The following NUMA1 variants were observed in gnomAD, a reference collection of about 807,000 sequenced individuals.
NUMA1 encodes the protein nuclear mitotic apparatus protein 1.
Under a neutral mutation model 237.1 loss-of-function variants are expected in NUMA1, and 62 were observed. That is an observed-to-expected ratio of 0.26 (90% CI 0.21 to 0.32). NUMA1 has a LOEUF of 0.32. Among genes scored for constraint, NUMA1 ranks in the 10% least tolerant of loss-of-function variants. The pLI is 1.00. For missense variants in NUMA1, 2,533 were observed against 2,666.5 expected, an observed-to-expected ratio of 0.95 and a Z score of 1.10; for synonymous variants, 1,028 against 1,066.1, an observed-to-expected ratio of 0.96 and a Z score of 0.70.
rs71052849 is a variant in NUMA1, at chr11:72,073,048, C to CAAAAAAAAAAAAA, written c.-102-3150_-102-3138dup. Among the ~76,000 whole-genome samples, 372 of 38,960 alleles carry CAAAAAAAAAAAAA rather than the reference C, an allele frequency of 9.5e-3. 88 individuals are homozygous for CAAAAAAAAAAAAA. Among genetic ancestry groups the CAAAAAAAAAAAAA allele is most frequent in the African/African-American group, 0.038 (339 of 8,972 alleles). 25.6% of individuals were successfully genotyped at this position (38,960 alleles called of 152,430 possible). A position where few individuals can be genotyped will look rare whatever the true frequency, so the allele number is the denominator to read the frequency against. On this transcript the variant is annotated intron_variant, in intron 1 of 26. Coordinates refer to ENST00000393695, the MANE Select transcript of NUMA1 (RefSeq NM_006185.4). ...GGTGACACAGAGCGAGACTCCGTCT[C>CAAAAAAAAAAAAA]AAAAAAAAAAAAAAAAAAAAGCTGC...
At chr11:72,042,489 C>T (rs558507192) in intron 2 of NUMA1, among the ~76,000 whole-genome samples, 1 of 152,224 alleles carries the variant, frequency 6.6e-6, no homozygotes, top group African/African-American at 2.4e-5. Context: ...AAATGAAGTG[C>T]CATTTTAATT....
At chr11:72,062,243 G>A (rs585228) in intron 2 of NUMA1, among the ~76,000 whole-genome samples, 2 of 152,002 alleles carry the variant, frequency 1.3e-5, no homozygotes, top group African/African-American at 4.8e-5. Context: ...TACTTCAAAA[G>A]GTCATTTTAA....
chr11:72,017,928 C>T, intron 12 of NUMA1, 101 bp from the exon 13 acceptor site: 2 of 1,382,256 alleles, frequency 1.4e-6, no homozygotes, highest in Non-Finnish European at 2.0e-6. Flanking sequence ...CTCCAATTAT[C>T]CTGCCAACCC....
intron 3 of NUMA1, among the ~76,000 whole-genome samples, chr11:72,034,007 TGGG>T (rs1168189600): frequency 1.3e-5 from 2 of 152,130 alleles, no homozygotes; most frequent in African/African-American, 2.4e-5. Context: ...CCTAGCTACT[TGGG>T]GGGCTGAGGT....
rs907803858 is a variant in NUMA1, at chr11:72,037,423, G to A, written c.-32-1448C>T. 2.0e-5 allele frequency among the ~76,000 whole-genome samples: 3 copies of A among 152,154 alleles called. No individual in the cohort carries two copies. In the East Asian group the frequency reaches 5.8e-4, roughly 29 times the overall value. Reference sequence around the variant, plus strand: ...CGGGAGGCTGAGGCAGGAGAATGGCGTGAACCCGGGAGGCGGAGCTTGCAG... The same window carrying A: ...CGGGAGGCTGAGGCAGGAGAATGGCATGAACCCGGGAGGCGGAGCTTGCAG... On this transcript the variant is annotated intron_variant, in intron 2 of 26. Coordinates refer to ENST00000393695, the MANE Select transcript of NUMA1 (RefSeq NM_006185.4).
At position 72,009,322 on chromosome 11, in the gene NUMA1, T is replaced by G. The variant is rs560716430; in HGVS notation, c.4785A>C (p.Glu1595Asp). The change falls in exon 18 of 27, where the codon GAA becomes GAC. Residue 1595 changes from glutamate to aspartate, a missense_variant. Around this residue, in one of 3 missense-constraint regions of NUMA1, gnomAD observed 795 missense variants for 750.8 expected, o/e 1.06. Transcript: ENST00000393695. ...EAQRLQAQLNELQAQLSQKEQ... is the reference protein window; with the variant it reads ...EAQRLQAQLNDLQAQLSQKEQ... ...CCTTCTGGCTCAACTGGGCTTGCAGTTCATTCAGCTGGGCCTGGAGGCGCT... is the reference window on the plus strand; with the variant it reads ...CCTTCTGGCTCAACTGGGCTTGCAGGTCATTCAGCTGGGCCTGGAGGCGCT... 2.0e-5 allele frequency: 32 copies of G among 1,613,534 alleles called. No homozygotes were observed. In the South Asian group the frequency reaches 2.9e-4, roughly 14 times the overall value.
In NUMA1 at chr11:72,078,789, AACAT is replaced by A. The variant is rs989465340; in HGVS notation, c.-103+1665_-103+1668del. Among the ~76,000 whole-genome samples the A allele has an allele frequency of 1.1e-4, 17 of 152,228 alleles. 3 individuals are homozygous for A. Among genetic ancestry groups the A allele is most frequent in the Admixed American group, 1.0e-3 (16 of 15,280 alleles). On this transcript the variant is annotated intron_variant, in intron 1 of 26. Coordinates refer to ENST00000393695, the MANE Select transcript of NUMA1 (RefSeq NM_006185.4). Reference sequence around the variant, plus strand: ...ACCACACAGAAAGAGGGACTGAGGAAACATAAACCCATCTGTGCTGACAGAAAGC... The same window carrying A: ...ACCACACAGAAAGAGGGACTGAGGAAAAACCCATCTGTGCTGACAGAAAGC...
At chr11:72,012,521 A>C (rs1407575254) in intron 15 of NUMA1, 79 bp from the exon 16 acceptor site, 1 of 1,357,104 alleles carries the variant, frequency 7.4e-7, no homozygotes, top group African/African-American at 1.4e-5. Context: ...GGCTGACCTC[A>C]CTGAGGCTCT....
chr11:72,010,548 C>T (rs887289407), intron 17 of NUMA1, among the ~76,000 whole-genome samples: 1 of 152,222 alleles, frequency 6.6e-6, no homozygotes, highest in Admixed American at 6.5e-5. Flanking sequence ...AATAACCACA[C>T]GTGACTAGTA....
At chr11:72,066,768 T>C (rs1006612821) in intron 2 of NUMA1, 1 of 152,274 alleles carries the variant, frequency 6.6e-6, no homozygotes, top group Non-Finnish European at 1.5e-5. Flanking sequence ...GCTGTAATAC[T>C]TGTTTCATTT....
intron 3 of NUMA1, among the ~76,000 whole-genome samples, chr11:72,033,124 T>G (rs1430303792): frequency 1.3e-5 from 2 of 152,164 alleles, no homozygotes; most frequent in Non-Finnish European, 2.9e-5. Flanking sequence ...ACAACTTTTG[T>G]TTAAATTGAA....
At chr11:72,004,961 T>G in intron 23 of NUMA1, 145 bp from the exon 24 acceptor site, 1 of 871,976 alleles carries the variant, frequency 1.1e-6, no homozygotes. Context: ...CAAGGCCTCC[T>G]TTCCTGTTCT....
rs34335618 is a variant in NUMA1 at position 72,016,175 on chromosome 11, C to T, written c.1328G>A (p.Arg443Gln). 1.4e-3 allele frequency: 2,227 copies of T among 1,613,740 alleles called. 30 individuals carry two copies. The African/African-American group carries it at 0.026, about 19-fold the overall frequency. The change falls in exon 15 of 27, where the codon CGA becomes CAA. Residue 443 changes from arginine to glutamine, a missense_variant. Physicochemically the swap from Arg to Gln is conservative, Grantham distance 43 (BLOSUM62 1). Around this residue, in one of 3 missense-constraint regions of NUMA1, gnomAD observed 1,414 missense variants for 1,508.1 expected, o/e 0.94. Coordinates refer to ENST00000393695, the MANE Select transcript of NUMA1 (RefSeq NM_006185.4). ...QARVEMLETE[R>Q]GQQEAKLLAE... Reference sequence around the variant, plus strand: ...AAGCAGCTTGGCTTCCTGCTGGCCTCGCTCAGTCTCCAGCATCTCTACCCT... The same window carrying T: ...AAGCAGCTTGGCTTCCTGCTGGCCTTGCTCAGTCTCCAGCATCTCTACCCT...
chr11:72,076,348 T>C (rs1283438722), intron 1 of NUMA1, among the ~76,000 whole-genome samples: 6 of 151,978 alleles, frequency 3.9e-5, no homozygotes, highest in Non-Finnish European at 8.8e-5. Flanking sequence ...CACTCCAACC[T>C]GGGCAACAAA....
chr11:72,031,902 G>A (rs1481992009), intron 3 of NUMA1, among the ~76,000 whole-genome samples: 1 of 151,830 alleles, frequency 6.6e-6, no homozygotes, highest in East Asian at 1.9e-4. Context: ...GGACGAGGAG[G>A]GAGAATCGCT....
In NUMA1 at chr11:72,006,058, C is replaced by G. The variant is rs761971500; in HGVS notation, c.5669G>C (p.Gly1890Ala). The change falls in exon 22 of 27, where the codon GGG becomes GCG. Residue 1890 changes from glycine to alanine, a missense_variant. By Grantham distance (60) the Gly-to-Ala change is moderately conservative. Around this residue, in one of 3 missense-constraint regions of NUMA1, gnomAD observed 795 missense variants for 750.8 expected, o/e 1.06. Coordinates refer to ENST00000393695, the MANE Select transcript of NUMA1 (RefSeq NM_006185.4). ...ACCTGGAGGGGCCCCACTGGACACC[C>G]CGGCCTGGGAACGACGAGCAGAACT... ...TRSSARRSQA[G>A]VSSGAPPGRN... 6.2e-7 allele frequency: 1 copy of G among 1,613,234 alleles called. No homozygotes were observed. The highest frequency in any genetic ancestry group is 2.2e-5 in the East Asian group (1 of 44,858).
intron 1 of NUMA1, among the ~76,000 whole-genome samples, chr11:72,078,201 G>C (rs1290249356): frequency 2.6e-5 from 4 of 152,154 alleles, no homozygotes; most frequent in Non-Finnish European, 4.4e-5. Context: ...AATTAGAATT[G>C]TTCAGCTTAG....
intron 2 of NUMA1, among the ~76,000 whole-genome samples, chr11:72,061,490 T>TTTTC (rs1942941251): frequency 2.6e-4 from 1 of 3,902 alleles, no homozygotes; most frequent in Non-Finnish European, 1.7e-3. Context: ...CTTTTCTTTT[T>TTTTC]TTTTTTTTTT....
intron 1 of NUMA1, among the ~76,000 whole-genome samples, chr11:72,079,264 G>C (rs911479148): frequency 2.1e-4 from 30 of 140,318 alleles, no homozygotes; most frequent in Admixed American, 1.0e-3. Flanking sequence ...ATGGCAGGCC[G>C]GGCGTGATGG....
Sources: allele counts gnomAD v4.1 joint callset (sites outside exome capture counted in the v4.1 genomes callset), GRCh38; gene constraint gnomAD v4.1.1; regional missense constraint gnomAD v4.1.1; transcripts MANE v1.5; gene names NCBI Gene and HGNC (gene_info 2026-07-23, HGNC 2026-07-21).